Variants in RAD51B observed in about 807,000 individuals in gnomAD.
RAD51B encodes RAD51 paralog B, also known as DNA repair protein RAD51 homolog 2.
RAD51B carries 38 observed loss-of-function variants against 42.2 expected under a neutral mutation model. The observed-to-expected ratio is 0.90, with a 90% CI of 0.70 to 1.18. The LOEUF is 1.18. Ranked by LOEUF, RAD51B falls within the 50% of genes most tolerant of loss-of-function variation. The probability of loss-of-function intolerance (pLI) is 0.00; values close to 1 mark genes in which losing one functional copy is unlikely to be tolerated. For synonymous variants in RAD51B, 154 were observed against 145.2 expected (o/e 1.06, Z -0.43); for missense variants, 373 against 400.7 (o/e 0.93, Z 0.59).
At chr14:68,371,060 A>G (rs1272631117) in intron 8 of RAD51B, among the ~76,000 whole-genome samples, 1 of 145,470 alleles carries the variant, frequency 6.9e-6, no homozygotes, top group Non-Finnish European at 1.5e-5. Context: ...AAAAAAGAAA[A>G]AAAGAAAAGA....
intron 4 of RAD51B, among the ~76,000 whole-genome samples, chr14:67,846,173 G>A (rs1208988415): frequency 2.0e-5 from 3 of 152,176 alleles, no homozygotes; most frequent in African/African-American, 4.8e-5. Context: ...ATGGGGTGCT[G>A]GTGGGTGCGG....
chr14:68,129,831 T>C lies in RAD51B; in HGVS notation c.757-162053T>C, dbSNP rs1595442436. On this transcript the variant is annotated intron_variant, in intron 7 of 10. Transcript: ENST00000471583. ...CCCCAGATGCTTATGGCCCAAGAAT[T>C]TGCATTTCTAACAGGTTCCTAGATG... Among the ~76,000 whole-genome samples, 5 of 152,296 alleles carry C rather than the reference T, an allele frequency of 3.3e-5. 1 individual carries two copies. In the South Asian group the frequency reaches 1.0e-3, roughly 32 times the overall value.
rs557813817 is a variant in RAD51B, at chr14:68,077,941, C to A, written c.756+190737C>A. ...ACTGCACTCCATCCTGGGTGACAGTCAGACTCCATCTCAAAAATATAAAAA... is the reference window on the plus strand; with the variant it reads ...ACTGCACTCCATCCTGGGTGACAGTAAGACTCCATCTCAAAAATATAAAAA... On this transcript the variant is annotated intron_variant, in intron 7 of 10. Transcript: ENST00000471583. Among the ~76,000 whole-genome samples the A allele has an allele frequency of 2.0e-5, 3 of 152,262 alleles. No individual in the cohort carries two copies. The South Asian group carries it at 6.2e-4, about 32-fold the overall frequency.
intron 8 of RAD51B, among the ~76,000 whole-genome samples, chr14:68,399,406 G>A (rs1374750442): frequency 1.3e-5 from 2 of 151,804 alleles, no homozygotes; most frequent in Admixed American, 6.6e-5. Context: ...ACAGGCACCC[G>A]CCACAATGCC....
At chr14:67,841,300 G>A (rs1340177560) in intron 4 of RAD51B, among the ~76,000 whole-genome samples, 1 of 152,170 alleles carries the variant, frequency 6.6e-6, no homozygotes, top group Non-Finnish European at 1.5e-5. Context: ...ATTTGTTTAA[G>A]TTCCTTATAG....
intron 7 of RAD51B, among the ~76,000 whole-genome samples, chr14:68,230,074 A>G (rs1176045619): frequency 6.6e-6 from 1 of 152,206 alleles, no homozygotes; most frequent in East Asian, 1.9e-4. Context: ...GGTATCCAGC[A>G]CTGAGAAGGC....
chr14:68,464,680 GA>G (rs1454601999), intron 9 of RAD51B, among the ~76,000 whole-genome samples: 5 of 152,204 alleles, frequency 3.3e-5, no homozygotes, highest in African/African-American at 1.2e-4. Context: ...ACTTTATCCA[GA>G]AGGCTATCAA....
chr14:68,086,458 A>G (rs2140502708), intron 7 of RAD51B, among the ~76,000 whole-genome samples: 1 of 152,270 alleles, frequency 6.6e-6, no homozygotes, highest in South Asian at 2.1e-4. Flanking sequence ...GCACCAAGGC[A>G]GAAGTGCCTA....
chr14:67,930,454 A>T (rs998800780), intron 7 of RAD51B, among the ~76,000 whole-genome samples: 1 of 151,970 alleles, frequency 6.6e-6, no homozygotes, highest in African/African-American at 2.4e-5. Flanking sequence ...TTTATGAAGG[A>T]TAATTTTGCT....
intron 8 of RAD51B, among the ~76,000 whole-genome samples, chr14:68,374,396 T>A (rs1182578639): frequency 6.6e-6 from 1 of 152,210 alleles, no homozygotes; most frequent in African/African-American, 2.4e-5. Flanking sequence ...TGAGAAGGAA[T>A]CAGTGAAGGC....
intron 8 of RAD51B, among the ~76,000 whole-genome samples, chr14:68,337,133 C>A (rs1400952501): frequency 6.6e-6 from 1 of 152,170 alleles, no homozygotes; most frequent in Non-Finnish European, 1.5e-5. Flanking sequence ...GACTCAATTT[C>A]TTCCTGTGGA....
Position 67,885,743 on chromosome 14 carries a change from A to G in RAD51B, c.453-126A>G, listed in dbSNP as rs2043041234. ...TAATTCTAAATCTGTATATTAAGCC[A>G]TTTTGCTTATACCTGCTCTATTGAT... On this transcript the variant is annotated intron_variant, in intron 5 of 10. Coordinates refer to ENST00000471583, the MANE Select transcript of RAD51B (RefSeq NM_133510.4). 9 of 1,254,174 alleles carry G rather than the reference A, an allele frequency of 7.2e-6. No homozygotes were observed. The South Asian group carries it at 2.0e-4, about 27-fold the overall frequency. The allele number at this position is 1,254,174 out of a possible 1,614,324, so 77.7% of individuals were successfully genotyped here.
intron 7 of RAD51B, among the ~76,000 whole-genome samples, chr14:67,926,558 C>CTTTTTTTTTTTTTTT (rs534207569): frequency 3.5e-5 from 3 of 85,112 alleles, no homozygotes; most frequent in Non-Finnish European, 6.6e-5. Flanking sequence ...GATATGTTTC[C>CTTTTTTTTTTTTTTT]TTTTTTTTTT....
At chr14:67,889,788 A>G (rs900613291) in intron 7 of RAD51B, among the ~76,000 whole-genome samples, 1 of 152,268 alleles carries the variant, frequency 6.6e-6, no homozygotes, top group South Asian at 2.1e-4. Flanking sequence ...GAAGTTTTCA[A>G]TTATAAGATG....
downstream of RAD51B, among the ~76,000 whole-genome samples, chr14:68,613,151 C>T (rs547156789): frequency 1.3e-5 from 2 of 152,330 alleles, no homozygotes; most frequent in East Asian, 3.9e-4. Flanking sequence ...CGTGGTGGCT[C>T]ACGCCTGTAA....
chr14:68,155,194 T>G (rs1045896674), intron 7 of RAD51B, among the ~76,000 whole-genome samples: 2 of 150,738 alleles, frequency 1.3e-5, no homozygotes, highest in African/African-American at 4.9e-5. Context: ...GTATTATATT[T>G]CTTTTTTTTT....
At chr14:68,415,083 C>T (rs543111392) in intron 9 of RAD51B, among the ~76,000 whole-genome samples, 51 of 146,686 alleles carry the variant, frequency 3.5e-4, no homozygotes, top group Admixed American at 3.1e-3. Context: ...AACCTGGCTG[C>T]ACTTAAGGCT....
chr14:68,450,065 C>T (rs1258862947), intron 9 of RAD51B, among the ~76,000 whole-genome samples: 1 of 152,118 alleles, frequency 6.6e-6, no homozygotes, highest in Non-Finnish European at 1.5e-5. Context: ...AGGCTTTTCC[C>T]ATTGTTATGC....
Position 68,180,481 on chromosome 14 carries a change from T to C in RAD51B, c.757-111403T>C, listed in dbSNP as rs61985100. Reference sequence around the variant, plus strand: ...CTTTGATAATGAAAAAGTATCATCATGATTATCGTCATGCTGTTGAGTGCT... The same window carrying C: ...CTTTGATAATGAAAAAGTATCATCACGATTATCGTCATGCTGTTGAGTGCT... On this transcript the variant is annotated intron_variant, in intron 7 of 10. Transcript: ENST00000471583. 4.1e-3 allele frequency among the ~76,000 whole-genome samples: 631 copies of C among 152,294 alleles called. 7 individuals are homozygous for C. The highest frequency in any genetic ancestry group is 0.02 in the Middle Eastern group (6 of 294).
Sources: gnomAD v4.1 joint callset for allele counts (sites outside exome capture counted in the v4.1 genomes callset) on GRCh38, gnomAD v4.1.1 for gene constraint, MANE v1.5 for transcripts, NCBI Gene and HGNC (gene_info 2026-07-23, HGNC 2026-07-21) for gene names.